Variants in CNGB3 observed in about 807,000 individuals in gnomAD.
The protein encoded by CNGB3 is cyclic nucleotide gated channel subunit beta 3.
A neutral mutation model predicts 92.8 loss-of-function variants in CNGB3; 86 were observed. That is an observed-to-expected ratio of 0.93 (90% CI 0.78 to 1.11). The LOEUF (loss-of-function observed/expected upper bound fraction) is 1.11, where lower values mean the gene tolerates loss of function less well. CNGB3 is among the 50% of genes least tolerant of loss of function. The probability of loss-of-function intolerance (pLI) is 0.00; values close to 1 mark genes in which losing one functional copy is unlikely to be tolerated. For missense variants in CNGB3, 1,026 were observed against 956.8 expected, an observed-to-expected ratio of 1.07 and a Z score of -0.95; for synonymous variants, 333 against 332.7, an observed-to-expected ratio of 1.00 and a Z score of -0.01.
chr8:86,725,091 C>T (rs985991233), intron 3 of CNGB3, among the ~76,000 whole-genome samples: 11 of 152,060 alleles, frequency 7.2e-5, no homozygotes, highest in African/African-American at 2.2e-4. Flanking sequence ...AGAATTTATC[C>T]CCCAAAATGT....
chr8:86,700,603 T>C (rs1824537120), intron 3 of CNGB3, among the ~76,000 whole-genome samples: 1 of 152,224 alleles, frequency 6.6e-6, no homozygotes. Flanking sequence ...TGGACTGAAC[T>C]GAAAGTAGAT....
At chr8:86,694,044 C>T (rs1269179106) in intron 3 of CNGB3, among the ~76,000 whole-genome samples, 1 of 145,284 alleles carries the variant, frequency 6.9e-6, no homozygotes, top group African/African-American at 2.6e-5. Flanking sequence ...CGCCCCTCAC[C>T]TCCCGGACGG....
intron 17 of CNGB3, among the ~76,000 whole-genome samples, chr8:86,577,249 A>T (rs1821678695): frequency 6.6e-6 from 1 of 152,224 alleles, no homozygotes; most frequent in South Asian, 2.1e-4. Context: ...TCTGCTCTGT[A>T]ACTAATTATG....
intron 3 of CNGB3, among the ~76,000 whole-genome samples, chr8:86,717,426 GGTGGCGTGTGCC>G (rs1824876392): frequency 6.6e-6 from 1 of 152,044 alleles, no homozygotes; most frequent in Non-Finnish European, 1.5e-5. Flanking sequence ...AGCCAGGCGT[GGTGGCGTGTGCC>G]TGTAATCCCA....
chr8:86,701,443 G>A (rs1824553812), intron 3 of CNGB3, among the ~76,000 whole-genome samples: 2 of 152,132 alleles, frequency 1.3e-5, no homozygotes, highest in East Asian at 1.9e-4. Flanking sequence ...CAGAAGACAA[G>A]CTTTGGAGGA....
At chr8:86,660,422 C>T (rs1007809750) in intron 6 of CNGB3, 27 of 477,748 alleles carry the variant, frequency 5.7e-5, no homozygotes, top group Middle Eastern at 8.3e-4. Flanking sequence ...CACACTAGAA[C>T]TCAGAATAGG....
intron 10 of CNGB3, among the ~76,000 whole-genome samples, chr8:86,639,455 A>G (rs1823137723): frequency 1.3e-5 from 2 of 152,118 alleles, no homozygotes; most frequent in African/African-American, 4.8e-5. Context: ...ATGAGAATTA[A>G]TGGAATCATA....
intron 2 of CNGB3, among the ~76,000 whole-genome samples, chr8:86,735,042 G>GGGTTTTTTT (rs1554618958): frequency 1.2e-5 from 1 of 85,886 alleles, no homozygotes; most frequent in Non-Finnish European, 2.1e-5. Context: ...AATGCCGGTG[G>GGGTTTTTTT]TTTTTTTTTT....
chr8:86,676,870 G>A (rs766451), intron 3 of CNGB3, among the ~76,000 whole-genome samples: 117,620 of 152,166 alleles, frequency 0.77, 46,795 homozygotes, highest in East Asian at 1. Context: ...AGCCAGTAAC[G>A]CTGCCTTTCC....
chr8:86,592,399 C>T (rs575181325), intron 15 of CNGB3, among the ~76,000 whole-genome samples: 68 of 152,248 alleles, frequency 4.5e-4, no homozygotes, highest in African/African-American at 1.3e-3. Context: ...TTACTATGAG[C>T]GAGATATTTT....
At chr8:86,637,213 G>C (rs1436928911) in intron 10 of CNGB3, among the ~76,000 whole-genome samples, 1 of 152,126 alleles carries the variant, frequency 6.6e-6, no homozygotes, top group Non-Finnish European at 1.5e-5. Context: ...ATTTATTGGA[G>C]AGACTATCTT....
intron 3 of CNGB3, among the ~76,000 whole-genome samples, chr8:86,696,344 T>G (rs1824450232): frequency 6.6e-6 from 1 of 152,146 alleles, no homozygotes; most frequent in African/African-American, 2.4e-5. Flanking sequence ...AATCTTGCCC[T>G]GAGTTGGCCA....
intron 2 of CNGB3, among the ~76,000 whole-genome samples, chr8:86,728,304 G>A (rs950834780): frequency 2.0e-5 from 3 of 152,076 alleles, no homozygotes; most frequent in Admixed American, 6.5e-5. Flanking sequence ...TTCTGTACAG[G>A]CACATGTGGT....
At chr8:86,619,314 C>A (rs1023744822) in intron 13 of CNGB3, among the ~76,000 whole-genome samples, 11 of 152,114 alleles carry the variant, frequency 7.2e-5, no homozygotes, top group African/African-American at 2.7e-4. Context: ...AATAATAAAT[C>A]ATCAGAAATG....
intron 12 of CNGB3, among the ~76,000 whole-genome samples, chr8:86,626,725 A>G (rs1014152384): frequency 2.6e-5 from 4 of 152,240 alleles, no homozygotes; most frequent in African/African-American, 9.6e-5. Flanking sequence ...ATTGTTATTT[A>G]CTTGCTTATT....
intron 17 of CNGB3, among the ~76,000 whole-genome samples, 181 bp from the exon 18 acceptor site, chr8:86,576,311 A>T (rs1400186678): frequency 1.3e-5 from 2 of 151,940 alleles, no homozygotes; most frequent in South Asian, 4.1e-4. Context: ...GGTGTGCTAG[A>T]GAATGGACTT....
intron 7 of CNGB3, among the ~76,000 whole-genome samples, chr8:86,652,198 G>T (rs1161648803): frequency 2.0e-5 from 3 of 151,942 alleles, no homozygotes; most frequent in African/African-American, 7.2e-5. Flanking sequence ...AAAAGGTACA[G>T]TTAAAAATAT....
intron 13 of CNGB3, among the ~76,000 whole-genome samples, chr8:86,624,592 G>T (rs1216194472): frequency 6.6e-6 from 1 of 151,982 alleles, no homozygotes; most frequent in Non-Finnish European, 1.5e-5. Context: ...CCAGCTCAGG[G>T]CATCGTGTCA....
intron 15 of CNGB3, among the ~76,000 whole-genome samples, chr8:86,589,470 G>A (rs1198335984): frequency 6.6e-6 from 1 of 151,616 alleles, no homozygotes; most frequent in Non-Finnish European, 1.5e-5. Context: ...TCTCTTGCGG[G>A]CATTTAGTGC....
Sources: gnomAD v4.1 joint callset for allele counts (sites outside exome capture counted in the v4.1 genomes callset) on GRCh38, gnomAD v4.1.1 for gene constraint, MANE v1.5 for transcripts, NCBI Gene and HGNC (gene_info 2026-07-23, HGNC 2026-07-21) for gene names.